The following IL17RA variants were observed in gnomAD, a reference collection of about 807,000 sequenced individuals.
IL17RA encodes the protein interleukin 17 receptor A, also known as interleukin-17 receptor A.
IL17RA carries 34 observed loss-of-function variants against 50.4 expected under a neutral mutation model. The observed-to-expected ratio is 0.67, with a 90% CI of 0.51 to 0.90. The LOEUF is 0.90. IL17RA is among the 40% of genes least tolerant of loss of function. The pLI, the probability that IL17RA is intolerant of heterozygous loss-of-function variation, is 0.00. For synonymous variants in IL17RA, 585 were observed against 510.4 expected (o/e 1.15, Z -1.97); for missense variants, 1,276 against 1,169.8 (o/e 1.09, Z -1.32).
At chr22:17,096,318 C>T (rs1408599310) in intron 1 of IL17RA, among the ~76,000 whole-genome samples, 5 of 152,166 alleles carry the variant, frequency 3.3e-5, no homozygotes, top group South Asian at 2.1e-4. Context: ...GATAATACCT[C>T]GTCACGATCA....
chr22:17,098,997 A>G, intron 4 of IL17RA, 110 bp downstream of exon 4: 1 of 886,558 alleles, frequency 1.1e-6, no homozygotes, highest in Non-Finnish European at 1.9e-6. Flanking sequence ...AGAGGTGCTG[A>G]GGGAGTCTGT....
intron 1 of IL17RA, among the ~76,000 whole-genome samples, chr22:17,095,441 T>C (rs2061365249): frequency 1.3e-5 from 2 of 152,170 alleles, no homozygotes; most frequent in East Asian, 3.9e-4. Flanking sequence ...CCTTCCACTT[T>C]CCTTGTGGTC....
Position 17,107,942 on chromosome 22 carries a change from G to A in IL17RA, c.1087+174G>A, listed in dbSNP as rs5746994. Among the ~76,000 whole-genome samples, 135 of 152,242 alleles carry A rather than the reference G, an allele frequency of 8.9e-4. 2 individuals are homozygous for A. The East Asian group carries it at 0.02, about 23-fold the overall frequency. ...GAAGGGCCCCCAATAACAAGGCCTG[G>A]GTGCCATTTTTTGAATCACTCAGAC... On this transcript the variant is annotated intron_variant, in intron 12 of 12. Transcript: ENST00000319363.
chr22:17,100,887 T>C (rs1431873162), intron 5 of IL17RA, among the ~76,000 whole-genome samples: 3 of 152,122 alleles, frequency 2.0e-5, no homozygotes, highest in Non-Finnish European at 2.9e-5. Flanking sequence ...CACCTTACAT[T>C]CTGCCTGCAT....
At position 17,100,477 on chromosome 22, in the gene IL17RA, G is replaced by T; in HGVS notation, c.546G>T (p.Val182=). 6.2e-7 allele frequency: 1 copy of T among 1,614,040 alleles called. No homozygotes were observed. Among genetic ancestry groups the T allele is most frequent in the Admixed American group, 1.7e-5 (1 of 60,020 alleles). The change falls in exon 5 of 13, where the codon GTG becomes GTT. Residue 182 remains valine, a synonymous_variant. Coordinates refer to ENST00000319363, the MANE Select transcript of IL17RA (RefSeq NM_014339.7). ...DPNHQSKNFL[V]PDCEHARMKV... The stretch of plus-strand genomic sequence containing the variant: ...ACCACCAGTCCAAGAATTTCCTTGT[G>T]CCTGGTAAGAGCATCCTCCCAAGAC...
rs369259606 is a variant in IL17RA at position 17,102,255 on chromosome 22, C to T, written c.715C>T (p.His239Tyr). Residue 239 changes from histidine (H) to tyrosine (Y), a missense_variant, in exon 7 of 13, where the codon CAC becomes TAC. His to Tyr is a moderately conservative substitution (Grantham distance 83). Transcript: ENST00000319363. Reference protein sequence around the residue: ...HYQILLTSFPHMENHSCFEHM... With the variant: ...HYQILLTSFPYMENHSCFEHM... Reference sequence around the variant, plus strand: ...CCAGATCCTGCTGACCAGTTTTCCGCACATGGAGAACCACAGTTGCTTTGA... The same window carrying T: ...CCAGATCCTGCTGACCAGTTTTCCGTACATGGAGAACCACAGTTGCTTTGA... 11 of 1,614,072 alleles carry T rather than the reference C, an allele frequency of 6.8e-6. No homozygotes were observed. The highest frequency in any genetic ancestry group is 5.1e-6 in the Non-Finnish European group (6 of 1,180,048).
At chr22:17,104,682 G>A (rs777430120) in intron 8 of IL17RA, 44 bp from the exon 9 acceptor site, 28 of 1,567,158 alleles carry the variant, frequency 1.8e-5, no homozygotes, top group African/African-American at 5.4e-5. Flanking sequence ...AGGCATGGGC[G>A]CTCTACAGTT....
rs1415141558 is a variant in IL17RA at position 17,108,823 on chromosome 22, G to A, written c.1604G>A (p.Arg535His). Residue 535 changes from arginine (R) to histidine (H), a missense_variant, in exon 13 of 13, where the codon CGC becomes CAC. Transcript: ENST00000319363. The part of the protein sequence containing the change: ...LMDRFEEVYF[R>H]IQDLEMFQPG... ...GACAGGTTCGAGGAGGTGTACTTCC[G>A]CATCCAGGACCTGGAGATGTTCCAG... 1.9e-6 allele frequency: 3 copies of A among 1,606,728 alleles called. No individual in the cohort carries two copies. Among genetic ancestry groups the A allele is most frequent in the African/African-American group, 2.7e-5 (2 of 74,824 alleles).
intron 9 of IL17RA, among the ~76,000 whole-genome samples, chr22:17,105,341 G>T (rs2061409741): frequency 6.6e-6 from 1 of 152,200 alleles, no homozygotes; most frequent in African/African-American, 2.4e-5. Flanking sequence ...CTCACCAGAA[G>T]GCAAGGCGCA....
At chr22:17,104,877 C>A in intron 9 of IL17RA, 67 bp downstream of exon 9, 3 of 1,460,460 alleles carry the variant, frequency 2.1e-6, no homozygotes, top group Non-Finnish European at 2.9e-6. Context: ...CCAGCCTGTG[C>A]TGCGTCCTTA....
rs2061360049 is a variant in IL17RA at position 17,094,669 on chromosome 22, C to A, written c.139-2393C>A. ...AGTCATACACACACTCTCTCTCTCT[C>A]TCTCTCTCTCTCTCTCTCTCTCTAT... On this transcript the variant is annotated intron_variant, in intron 1 of 12. Coordinates refer to ENST00000319363, the MANE Select transcript of IL17RA (RefSeq NM_014339.7). Among the ~76,000 whole-genome samples the A allele has an allele frequency of 2.8e-3, 68 of 24,202 alleles. 3 individuals carry two copies. The highest frequency in any genetic ancestry group is 4.2e-3 in the Non-Finnish European group (44 of 10,434). The allele number at this position is 24,202 out of a possible 152,430, so 15.9% of individuals were successfully genotyped here.
intron 9 of IL17RA, 31 bp downstream of exon 9, chr22:17,104,841 C>T: frequency 6.2e-7 from 1 of 1,606,680 alleles, no homozygotes; most frequent in South Asian, 1.1e-5. Context: ...CTAGGCCATA[C>T]TGGGAGAACA....
Position 17,109,755 on chromosome 22 carries a change from C to G in IL17RA, c.2536C>G (p.Arg846Gly). Residue 846 changes from arginine (R) to glycine (G), a missense_variant, in exon 13 of 13, where the codon CGC (arginine) becomes GGC (glycine). Arg to Gly is a moderately radical substitution (Grantham distance 125). Coordinates refer to ENST00000319363, the MANE Select transcript of IL17RA (RefSeq NM_014339.7). ...GAGCCTCCAGCGGCAGCTGCTTTTCCGCCAGCTGCAGAAGAACTCGGGCTG... is the reference window on the plus strand; with the variant it reads ...GAGCCTCCAGCGGCAGCTGCTTTTCGGCCAGCTGCAGAAGAACTCGGGCTG... ...LRSLQRQLLF[R>G]QLQKNSGWDT... is the part of the protein sequence containing the mutation. 1.3e-6 allele frequency: 2 copies of G among 1,557,406 alleles called. No homozygotes were observed. The highest frequency in any genetic ancestry group is 8.7e-7 in the Non-Finnish European group (1 of 1,150,964).
At chr22:17,097,574 TTC>T in intron 2 of IL17RA, 1 of 598,850 alleles carries the variant, frequency 1.7e-6, no homozygotes, top group African/African-American at 1.9e-5. Flanking sequence ...GTACTTTGTC[TTC>T]TCTCCTAAAA....
At chr22:17,105,776 T>A (rs930419733) in intron 10 of IL17RA, 77 bp from the exon 11 acceptor site, 19 of 1,434,148 alleles carry the variant, frequency 1.3e-5, no homozygotes, top group Non-Finnish European at 1.8e-5. Flanking sequence ...AGCCTGGGGC[T>A]GGGGAGCAGG....
chr22:17,100,443 G>A lies in IL17RA; in HGVS notation c.512G>A (p.Gly171Glu), dbSNP rs2123800881. 1 of 1,614,144 alleles carries A rather than the reference G, an allele frequency of 6.2e-7. No individual in the cohort carries two copies. The highest frequency in any genetic ancestry group is 1.1e-5 in the South Asian group (1 of 91,086). The stretch of plus-strand genomic sequence containing the variant: ...CACCTGCCCAAGCCCATCCCTGATG[G>A]GGACCCAAACCACCAGTCCAAGAAT... ...VHHLPKPIPD[G>E]DPNHQSKNFL... The change falls in exon 5 of 13, where the codon GGG becomes GAG. Residue 171 changes from glycine (G) to glutamate (E), a missense_variant. Physicochemically the swap from Gly to Glu is moderately conservative, Grantham distance 98. Coordinates refer to ENST00000319363, the MANE Select transcript of IL17RA (RefSeq NM_014339.7).
Position 17,094,652 on chromosome 22 carries a change from A to ACTCTCT in IL17RA, c.139-2409_139-2408insTCTCTC, listed in dbSNP as rs1307011752. ...TGTTTCTATTCTCATTTAGTCATAC[A>ACTCTCT]CACACTCTCTCTCTCTCTCTCTCTC... On this transcript the variant is annotated intron_variant, in intron 1 of 12. Transcript: ENST00000319363. 1.9e-3 allele frequency among the ~76,000 whole-genome samples: 33 copies of ACTCTCT among 17,738 alleles called. 1 individual carries two copies. The highest frequency in any genetic ancestry group is 3.1e-3 in the African/African-American group (8 of 2,574). 11.6% of individuals were successfully genotyped at this position (17,738 alleles called of 152,430 possible).
chr22:17,098,030 C>A, intron 3 of IL17RA, 87 bp downstream of exon 3: 1 of 1,523,276 alleles, frequency 6.6e-7, no homozygotes, highest in Non-Finnish European at 9.0e-7. Flanking sequence ...GGCTCCCAGT[C>A]CTGTGCTCAG....
intron 7 of IL17RA, among the ~76,000 whole-genome samples, chr22:17,102,564 T>C (rs2061395791): frequency 6.6e-6 from 1 of 151,912 alleles, no homozygotes; most frequent in African/African-American, 2.4e-5. Flanking sequence ...GTTCTCTTTT[T>C]GTTTTGCTTT....
Sources: allele counts gnomAD v4.1 joint callset (sites outside exome capture counted in the v4.1 genomes callset), GRCh38; gene constraint gnomAD v4.1.1; transcripts MANE v1.5; gene names NCBI Gene and HGNC (gene_info 2026-07-23, HGNC 2026-07-21).